SLC39A12: variants seen among roughly 807,000 people sequenced by gnomAD.
The protein encoded by SLC39A12 is solute carrier family 39 member 12.
Under a neutral mutation model 71.1 loss-of-function variants are expected in SLC39A12, and 63 were observed. The ratio of observed to expected loss-of-function variants is 0.89; its 90% CI spans 0.72 to 1.09. SLC39A12 has a LOEUF of 1.09. Ranked by LOEUF, SLC39A12 falls within the 50% of genes least tolerant of loss-of-function variation. The pLI is 0.00. For missense variants in SLC39A12, 892 were observed against 812.6 expected (o/e 1.10, Z -1.19); for synonymous variants, 351 against 301.3 (o/e 1.16, Z -1.71).
intron 6 of SLC39A12, among the ~76,000 whole-genome samples, chr10:17,982,108 G>A (rs887305759): frequency 6.6e-6 from 1 of 152,116 alleles, no homozygotes; most frequent in African/African-American, 2.4e-5. Flanking sequence ...AAGCTCACTG[G>A]GCTGCTGTGG....
chr10:17,990,840 T>C (rs1007321708), intron 7 of SLC39A12, among the ~76,000 whole-genome samples: 25 of 152,310 alleles, frequency 1.6e-4, no homozygotes, highest in African/African-American at 6.0e-4. Flanking sequence ...AGGACTGAGT[T>C]TGTGTGAAAA....
At chr10:18,002,860 T>C (rs554396632) in intron 11 of SLC39A12, 43 of 206,394 alleles carry the variant, frequency 2.1e-4, no homozygotes, top group African/African-American at 9.2e-4. Context: ...GAGTGACTAT[T>C]TTCCATTTAT....
intron 4 of SLC39A12, among the ~76,000 whole-genome samples, chr10:17,970,541 C>G (rs1420861954): frequency 6.6e-6 from 1 of 151,780 alleles, no homozygotes; most frequent in Admixed American, 6.6e-5. Context: ...TTATTTGTGG[C>G]TATTGTAAAT....
At chr10:17,965,439 CTT>C (rs751014836) in intron 3 of SLC39A12, 42 bp from the exon 4 acceptor site, 1 of 1,561,192 alleles carries the variant, frequency 6.4e-7, no homozygotes, top group South Asian at 1.1e-5. Context: ...ATCAAAATAA[CTT>C]CAGATGTTAC....
intron 4 of SLC39A12, among the ~76,000 whole-genome samples, chr10:17,973,020 T>A (rs963167886): frequency 6.6e-6 from 1 of 152,142 alleles, no homozygotes; most frequent in African/African-American, 2.4e-5. Flanking sequence ...TTTGAGGTTA[T>A]CATGAGATTT....
chr10:17,961,804 A>T lies in SLC39A12; in HGVS notation c.485A>T (p.Asn162Ile). 1 of 1,614,124 alleles carries T rather than the reference A, an allele frequency of 6.2e-7. No individual in the cohort carries two copies. Among genetic ancestry groups the T allele is most frequent in the Non-Finnish European group, 8.5e-7 (1 of 1,179,984 alleles). ...GAAGATTCCTCTTTCCTTTCACAGAATGAGACAGAAGATATCTTGGCTTTC... is the reference window on the plus strand; with the variant it reads ...GAAGATTCCTCTTTCCTTTCACAGATTGAGACAGAAGATATCTTGGCTTTC... ...QDEDSSFLSQNETEDILAFTR... is the reference protein window; with the variant it reads ...QDEDSSFLSQIETEDILAFTR... Residue 162 changes from asparagine (N) to isoleucine (I), a missense_variant, in exon 3 of 13, where the codon AAT (asparagine) becomes ATT (isoleucine). By Grantham distance (149) the Asn-to-Ile change is moderately radical (BLOSUM62 -3). Coordinates refer to ENST00000377369, the MANE Select transcript of SLC39A12 (RefSeq NM_001145195.2).
rs565816494 is a variant in SLC39A12 at position 17,963,052 on chromosome 10, T to C, written c.543+1190T>C. Among the ~76,000 whole-genome samples the C allele has an allele frequency of 2.6e-5, 4 of 152,168 alleles. 1 individual carries two copies. In the South Asian group the frequency reaches 8.3e-4, roughly 32 times the overall value. On this transcript the variant is annotated intron_variant, in intron 3 of 12. Transcript: ENST00000377369. Reference sequence around the variant, plus strand: ...GGCATGAGCTGGTAGTCCCAGCTACTCAGGAGGCTAAGGTGGGAGGATGGC... The same window carrying C: ...GGCATGAGCTGGTAGTCCCAGCTACCCAGGAGGCTAAGGTGGGAGGATGGC...
intron 2 of SLC39A12, among the ~76,000 whole-genome samples, chr10:17,954,913 T>G (rs1194738077): frequency 2.0e-5 from 3 of 152,164 alleles, no homozygotes; most frequent in Non-Finnish European, 4.4e-5. Flanking sequence ...TTTCTCTGCT[T>G]TGTGTGAGCA....
At chr10:17,971,371 C>A (rs937539400) in intron 4 of SLC39A12, among the ~76,000 whole-genome samples, 5 of 148,202 alleles carry the variant, frequency 3.4e-5, no homozygotes, top group African/African-American at 1.2e-4. Context: ...GGAAGTACTC[C>A]CTCCTCCTCT....
chr10:17,965,226 G>A (rs1273857027), intron 3 of SLC39A12, among the ~76,000 whole-genome samples: 1 of 151,588 alleles, frequency 6.6e-6, no homozygotes, highest in Admixed American at 6.6e-5. Context: ...AAAAAAAAAA[G>A]GATAGGGAGA....
chr10:18,021,114 A>C (rs1453752723), intron 12 of SLC39A12, among the ~76,000 whole-genome samples: 2 of 152,018 alleles, frequency 1.3e-5, no homozygotes, highest in African/African-American at 4.8e-5. Context: ...TTTTACATTT[A>C]AGTCTTTAAT....
chr10:17,977,059 C>A (rs1419300352), intron 4 of SLC39A12, among the ~76,000 whole-genome samples: 1 of 152,002 alleles, frequency 6.6e-6, no homozygotes, highest in Non-Finnish European at 1.5e-5. Context: ...TTCTTCTGCC[C>A]TCTCAAATAT....
chr10:17,982,110 C>T (rs1835275537), intron 6 of SLC39A12, among the ~76,000 whole-genome samples: 1 of 152,150 alleles, frequency 6.6e-6, no homozygotes, highest in African/African-American at 2.4e-5. Context: ...GCTCACTGGG[C>T]TGCTGTGGGA....
chr10:17,982,718 T>C (rs1835291839), intron 6 of SLC39A12, among the ~76,000 whole-genome samples: 1 of 118,048 alleles, frequency 8.5e-6, no homozygotes, highest in Admixed American at 9.4e-5. Context: ...CCTAGGAGCA[T>C]CCCTGGGCAG....
At chr10:17,955,996 G>C (rs1355154119) in intron 2 of SLC39A12, among the ~76,000 whole-genome samples, 3 of 152,140 alleles carry the variant, frequency 2.0e-5, no homozygotes, top group Admixed American at 1.3e-4. Flanking sequence ...GAGACATGTG[G>C]AGCCTCAGCT....
intron 7 of SLC39A12, among the ~76,000 whole-genome samples, chr10:17,989,457 A>G (rs1835484694): frequency 6.7e-6 from 1 of 149,668 alleles, no homozygotes. Flanking sequence ...TTTACTGCCC[A>G]GGAGTCTGGG....
intron 6 of SLC39A12, among the ~76,000 whole-genome samples, chr10:17,985,839 AT>A (rs550713258): frequency 7.2e-5 from 11 of 152,090 alleles, no homozygotes; most frequent in African/African-American, 2.4e-4. Context: ...CTTTATAAAT[AT>A]TTTTTTAAAA....
chr10:17,989,576 AT>A (rs1346662985), intron 7 of SLC39A12, among the ~76,000 whole-genome samples: 1 of 150,578 alleles, frequency 6.6e-6, no homozygotes, highest in Non-Finnish European at 1.5e-5. Flanking sequence ...AACTTCAGAG[AT>A]TAGCTGGGTT....
Position 17,993,246 on chromosome 10 carries a change from A to G in SLC39A12, c.1488A>G (p.Leu496=). 4 of 1,551,972 alleles carry G rather than the reference A, an allele frequency of 2.6e-6. No homozygotes were observed. The highest frequency in any genetic ancestry group is 2.6e-6 in the Non-Finnish European group (3 of 1,146,994). Residue 496 remains leucine, a synonymous_variant, in exon 9 of 13, where the codon TTA becomes TTG. Coordinates refer to ENST00000377369, the MANE Select transcript of SLC39A12 (RefSeq NM_001145195.2). ...ACCATCTTGCACTCAACTCTGAATT[A>G]AGTGACCAGGCAGGCAGAGGCAAAT... ...HSHHLALNSE[L]SDQAGRGKSA...
Sources: allele counts gnomAD v4.1 joint callset (sites outside exome capture counted in the v4.1 genomes callset), GRCh38; gene constraint gnomAD v4.1.1; transcripts MANE v1.5; gene names NCBI Gene and HGNC (gene_info 2026-07-23, HGNC 2026-07-21).